The following RAB40B variants were observed in gnomAD, a reference collection of about 807,000 sequenced individuals.
RAB40B encodes ras-related protein Rab-40B.
Under a neutral mutation model 24.0 loss-of-function variants are expected in RAB40B, and 21 were observed. The ratio of observed to expected loss-of-function variants is 0.88; its 90% confidence interval spans 0.62 to 1.26. The LOEUF (loss-of-function observed/expected upper bound fraction) is 1.26, where lower values mean the gene tolerates loss of function less well. Among genes scored for constraint, RAB40B ranks in the 50% most tolerant of loss-of-function variants. The pLI is 0.00. For missense variants in RAB40B, 348 were observed against 390.5 expected, an observed-to-expected ratio of 0.89 and a Z score of 0.92; for synonymous variants, 167 against 169.8, an observed-to-expected ratio of 0.98 and a Z score of 0.13.
At position 82,664,512 on chromosome 17, in the gene RAB40B, CCCG is replaced by C. The variant is rs1292439610; in HGVS notation, c.184_186del (p.Arg62del). On this transcript the variant is annotated inframe_deletion, in exon 2 of 6. Transcript: ENST00000571995. ...CAGACTCACCAGAGCTGCAGCTTCA[CCCG>C]CCGCCCGTCCAGCAGGATGGTGGTC... 3.7e-6 allele frequency: 6 copies of C among 1,613,350 alleles called. No individual in the cohort carries two copies. In the South Asian group the frequency reaches 6.6e-5, roughly 18 times the overall value.
chr17:82,672,326 T>C (rs1598304659), intron 1 of RAB40B, among the ~76,000 whole-genome samples: 1 of 83,998 alleles, frequency 1.2e-5, no homozygotes, highest in African/African-American at 4.5e-5. Context: ...ACCCCACCCC[T>C]GTAACTCTAA....
At chr17:82,686,861 T>TG (rs973408725) in intron 1 of RAB40B, among the ~76,000 whole-genome samples, 1 of 152,100 alleles carries the variant, frequency 6.6e-6, no homozygotes, top group Non-Finnish European at 1.5e-5. Flanking sequence ...CGTCCAGTGC[T>TG]GGGGGGAAGG....
At chr17:82,661,596 CA>C (rs1425872445) in intron 2 of RAB40B, among the ~76,000 whole-genome samples, 2 of 152,126 alleles carry the variant, frequency 1.3e-5, no homozygotes, top group Non-Finnish European at 2.9e-5. Flanking sequence ...CTCCAAGAAA[CA>C]AATGAAAGGC....
rs767853079 is a variant in RAB40B, at chr17:82,656,929, G to C, written c.*934C>G. 6.6e-6 allele frequency: 1 copy of C among 152,350 alleles called. No individual in the cohort carries two copies. The highest frequency in any genetic ancestry group is 2.4e-5 in the African/African-American group (1 of 41,438). The allele number at this position is 152,350 out of a possible 1,614,324, so 9.4% of individuals were successfully genotyped here. A position where few individuals can be genotyped will look rare whatever the true frequency, so the allele number is the denominator to read the frequency against. ...CTCGGGAGGCTGAGGCAGGAGAATC[G>C]CTTGAACCCGGGAGGCGGAGGTTGT... On this transcript the variant is annotated 3_prime_UTR_variant, in exon 6 of 6. Transcript: ENST00000571995.
At chr17:82,673,759 G>A (rs1008448352) in intron 1 of RAB40B, among the ~76,000 whole-genome samples, 11 of 152,070 alleles carry the variant, frequency 7.2e-5, no homozygotes, top group Admixed American at 3.3e-4. Flanking sequence ...AGGGATCTTC[G>A]TGGCCAGGCT....
At chr17:82,660,503 G>T (rs1008357059) in intron 3 of RAB40B, among the ~76,000 whole-genome samples, 2 of 141,932 alleles carry the variant, frequency 1.4e-5, no homozygotes, top group African/African-American at 5.4e-5. Flanking sequence ...ACACGCACAT[G>T]CAGGCACTCA....
At chr17:82,685,216 T>TGGGGAGGGGGAGGGAGGACGGAGG (rs2046485861) in intron 1 of RAB40B, among the ~76,000 whole-genome samples, 4 of 53,852 alleles carry the variant, frequency 7.4e-5, no homozygotes, top group Non-Finnish European at 1.4e-4. Flanking sequence ...AGGAAAGGAA[T>TGGGGAGGGGGAGGGAGGACGGAGG]GGGGAGGGGG....
intron 1 of RAB40B, among the ~76,000 whole-genome samples, chr17:82,693,001 A>AT (rs1026885589): frequency 2.0e-5 from 3 of 151,000 alleles, no homozygotes; most frequent in Non-Finnish European, 4.4e-5. Flanking sequence ...TTCTGTTTCT[A>AT]TTTTTTTTCT....
intron 1 of RAB40B, among the ~76,000 whole-genome samples, chr17:82,695,824 G>A (rs985053020): frequency 7.2e-5 from 11 of 152,016 alleles, no homozygotes; most frequent in African/African-American, 1.7e-4. Context: ...GGGTACACCC[G>A]TGATATCAGT....
At position 82,690,270 on chromosome 17, in the gene RAB40B, G is replaced by A. The variant is rs117563886; in HGVS notation, c.142+8185C>T. On this transcript the variant is annotated intron_variant, in intron 1 of 5. Coordinates refer to ENST00000571995, the MANE Select transcript of RAB40B (RefSeq NM_006822.3). Reference sequence around the variant, plus strand: ...CGTGTTCTCGGGGAGCAGAGAGTGTGTTTGTGTGTCCAGGGGAAGATCTGC... The same window carrying A: ...CGTGTTCTCGGGGAGCAGAGAGTGTATTTGTGTGTCCAGGGGAAGATCTGC... Among the ~76,000 whole-genome samples the A allele has an allele frequency of 8.5e-3, 1,287 of 151,696 alleles. 7 individuals are homozygous for A. The highest frequency in any genetic ancestry group is 0.037 in the Middle Eastern group (11 of 294).
In RAB40B at chr17:82,657,828, G is replaced by A; in HGVS notation, c.*35C>T. 6.2e-7 allele frequency: 1 copy of A among 1,612,084 alleles called. No individual in the cohort carries two copies. The highest frequency in any genetic ancestry group is 1.1e-5 in the South Asian group (1 of 91,012). On this transcript the variant is annotated 3_prime_UTR_variant, in exon 6 of 6. Coordinates refer to ENST00000571995, the MANE Select transcript of RAB40B (RefSeq NM_006822.3). ...CCGGGGGTAACGCCGAGCTTCTCCT[G>A]GAGAGATTCCGCCGTGTTTCTTTCA... is the stretch of plus-strand genomic sequence containing the variant.
rs532402471 is a variant in RAB40B at position 82,655,749 on chromosome 17, C to G, written c.*2114G>C. ...TGGCCACCCTCTCCAGACACTGTCCCCTCAGGGTTCACCTTCTGCCCACAG... is the reference window on the plus strand; with the variant it reads ...TGGCCACCCTCTCCAGACACTGTCCGCTCAGGGTTCACCTTCTGCCCACAG... On this transcript the variant is annotated 3_prime_UTR_variant, in exon 6 of 6. Transcript: ENST00000571995. 1 of 152,316 alleles carries G rather than the reference C, an allele frequency of 6.6e-6. No individual in the cohort carries two copies. Among genetic ancestry groups the G allele is most frequent in the African/African-American group, 2.4e-5 (1 of 41,456 alleles). The allele number at this position is 152,316 out of a possible 1,614,324, so 9.4% of individuals were successfully genotyped here. A position where few individuals can be genotyped will look rare whatever the true frequency, so the allele number is the denominator to read the frequency against.
At chr17:82,666,044 A>G (rs112815054) in intron 1 of RAB40B, among the ~76,000 whole-genome samples, 69 of 97,230 alleles carry the variant, frequency 7.1e-4, no homozygotes, top group South Asian at 1.6e-3. Context: ...ACCTGCCACC[A>G]CACCTGCCAC....
intron 1 of RAB40B, among the ~76,000 whole-genome samples, chr17:82,676,283 C>T (rs2046392840): frequency 8.5e-6 from 1 of 117,730 alleles, no homozygotes; most frequent in Non-Finnish European, 2.1e-5. Context: ...ACAGTGAGGG[C>T]ACCCCTCACC....
At position 82,660,974 on chromosome 17, in the gene RAB40B, G is replaced by A. The variant is rs746737780; in HGVS notation, c.264+13C>T. On this transcript the variant is annotated intron_variant, in intron 3 of 5. Coordinates refer to ENST00000571995, the MANE Select transcript of RAB40B (RefSeq NM_006822.3). ...GTTGGTTTGATCTCCCAGCTCGGGG[G>A]ATGCTGTGTTACCTGTGCGCCCCGG... 1 of 1,613,228 alleles carries A rather than the reference G, an allele frequency of 6.2e-7. No homozygotes were observed. Among genetic ancestry groups the A allele is most frequent in the Non-Finnish European group, 8.5e-7 (1 of 1,179,424 alleles).
intron 1 of RAB40B, among the ~76,000 whole-genome samples, chr17:82,694,175 A>G (rs2046586207): frequency 6.6e-6 from 1 of 151,776 alleles, no homozygotes; most frequent in African/African-American, 2.4e-5. Context: ...ATAAGTTAGA[A>G]ACAGCTAGAA....
chr17:82,661,682 T>C (rs1435387452), intron 2 of RAB40B, among the ~76,000 whole-genome samples: 1 of 150,112 alleles, frequency 6.7e-6, no homozygotes, highest in African/African-American at 2.5e-5. Flanking sequence ...AGGTCAGGAG[T>C]TGGAGACCAG....
In RAB40B at chr17:82,663,105, C is replaced by T. The variant is rs577875011; in HGVS notation, c.203+1391G>A. 3.9e-5 allele frequency among the ~76,000 whole-genome samples: 6 copies of T among 152,218 alleles called. No individual in the cohort carries two copies. The highest frequency in any genetic ancestry group is 3.9e-4 in the East Asian group (2 of 5,172). On this transcript the variant is annotated intron_variant, in intron 2 of 5. Coordinates refer to ENST00000571995, the MANE Select transcript of RAB40B (RefSeq NM_006822.3). This position sits in a 1 kb window ranked among gnomAD's most constrained non-coding sequence, Gnocchi z 6.2. ...GACGGCAACCCCAACGCCAGCCCAGCGAGGGCATGGCCCCGGGGGAGTGGG... is the reference window on the plus strand; with the variant it reads ...GACGGCAACCCCAACGCCAGCCCAGTGAGGGCATGGCCCCGGGGGAGTGGG...
rs35256137 is a variant in RAB40B at position 82,686,104 on chromosome 17, C to CTT, written c.142+12349_142+12350dup. Among the ~76,000 whole-genome samples the CTT allele has an allele frequency of 4.4e-3, 545 of 123,380 alleles. 7 individuals are homozygous for CTT. The highest frequency in any genetic ancestry group is 0.011 in the African/African-American group (365 of 32,966). The allele number at this position is 123,380 out of a possible 152,430, so 80.9% of individuals were successfully genotyped here. A position where few individuals can be genotyped will look rare whatever the true frequency, so the allele number is the denominator to read the frequency against. On this transcript the variant is annotated intron_variant, in intron 1 of 5. Transcript: ENST00000571995. ...GGCGTGAGCCACCGCACCCAGCCTT[C>CTT]TTTTTTTTTTTTTTTTTTGAGACAA... is the stretch of plus-strand genomic sequence containing the variant.
Sources: gnomAD v4.1 joint callset for allele counts (sites outside exome capture counted in the v4.1 genomes callset) on GRCh38, gnomAD v4.1.1 for gene constraint, Gnocchi (gnomAD v3.1) non-coding constraint, MANE v1.5 for transcripts, NCBI Gene and HGNC (gene_info 2026-07-23, HGNC 2026-07-21) for gene names.